Variants in RAB7A observed in about 807,000 individuals in gnomAD.
The protein encoded by RAB7A is RAB7A, member RAS oncogene family, also known as ras-related protein Rab-7a.
A neutral mutation model predicts 24.5 loss-of-function variants in RAB7A; 2 were observed. The ratio of observed to expected loss-of-function variants is 0.08; its 90% CI spans 0.03 to 0.26. The LOEUF is 0.26. RAB7A is among the 10% of genes least tolerant of loss of function. The probability of loss-of-function intolerance (pLI) is 1.00; values close to 1 mark genes in which losing one functional copy is unlikely to be tolerated. For synonymous variants in RAB7A, 100 were observed against 95.9 expected (o/e 1.04, Z -0.25); for missense variants, 118 against 255.7 (o/e 0.46, Z 3.67).
intron 1 of RAB7A, among the ~76,000 whole-genome samples, chr3:128,776,205 C>T (rs1464497536): frequency 6.6e-6 from 1 of 152,164 alleles, no homozygotes; most frequent in Non-Finnish European, 1.5e-5. Flanking sequence ...CTCGTTGTGG[C>T]AAATGACATA....
At chr3:128,781,262 C>T (rs1302886284) in intron 1 of RAB7A, among the ~76,000 whole-genome samples, 1 of 152,214 alleles carries the variant, frequency 6.6e-6, no homozygotes, top group African/African-American at 2.4e-5. Flanking sequence ...GAAAAGCCCT[C>T]ATAACAAAGC....
At chr3:128,743,672 G>C (rs1247465822) in intron 1 of RAB7A, among the ~76,000 whole-genome samples, 1 of 152,222 alleles carries the variant, frequency 6.6e-6, no homozygotes, top group Non-Finnish European at 1.5e-5. Flanking sequence ...CAAGAAAGAG[G>C]CTGGGTGCAG....
chr3:128,762,975 A>G (rs1483324552), intron 1 of RAB7A, among the ~76,000 whole-genome samples: 2 of 152,008 alleles, frequency 1.3e-5, no homozygotes, highest in Non-Finnish European at 2.9e-5. Flanking sequence ...CTTCACCTGT[A>G]AATGCTCTCA....
At chr3:128,743,463 A>G (rs2070576699) in intron 1 of RAB7A, among the ~76,000 whole-genome samples, 1 of 152,236 alleles carries the variant, frequency 6.6e-6, no homozygotes, top group Non-Finnish European at 1.5e-5. Context: ...GGCCACCAGC[A>G]TGTTGTCACC....
chr3:128,737,796 A>G (rs1055500654), intron 1 of RAB7A, among the ~76,000 whole-genome samples: 13 of 135,712 alleles, frequency 9.6e-5, no homozygotes, highest in Non-Finnish European at 1.7e-4. Flanking sequence ...CTACAGGCAC[A>G]TGCCACCACA....
At chr3:128,731,057 C>G (rs1458782872) in intron 1 of RAB7A, among the ~76,000 whole-genome samples, 1 of 152,218 alleles carries the variant, frequency 6.6e-6, no homozygotes, top group African/African-American at 2.4e-5. Context: ...TCTCCCTCAG[C>G]CTTTCCTTTC....
At chr3:128,795,751 C>CTGTTTTTTTTTTTTTTTTTTTTTTT (rs1933554904) in intron 2 of RAB7A, among the ~76,000 whole-genome samples, 3 of 43,032 alleles carry the variant, frequency 7.0e-5, no homozygotes, top group Non-Finnish European at 1.4e-4. Context: ...AGCAGATGTG[C>CTGTTTTTTTTTTTTTTTTTTTTTTT]TTTTTTTTTT....
chr3:128,755,778 T>A (rs57747247), intron 1 of RAB7A, among the ~76,000 whole-genome samples: 390 of 152,342 alleles, frequency 2.6e-3, no homozygotes, highest in African/African-American at 7.1e-3. Flanking sequence ...TGATTTTTTT[T>A]AAATTATACT....
At chr3:128,790,233 T>G (rs1200615134) in intron 1 of RAB7A, among the ~76,000 whole-genome samples, 4 of 152,232 alleles carry the variant, frequency 2.6e-5, no homozygotes, top group Non-Finnish European at 5.9e-5. Context: ...TATCAGCTGT[T>G]TAGTACCATT....
At chr3:128,737,390 G>T (rs1408088294) in intron 1 of RAB7A, among the ~76,000 whole-genome samples, 1 of 147,624 alleles carries the variant, frequency 6.8e-6, no homozygotes, top group Non-Finnish European at 1.5e-5. Context: ...ACCCAGGCTG[G>T]AGTACAGTGA....
At chr3:128,772,552 T>A (rs1425963315) in intron 1 of RAB7A, among the ~76,000 whole-genome samples, 3 of 152,222 alleles carry the variant, frequency 2.0e-5, no homozygotes, top group Admixed American at 6.5e-5. Context: ...TTGGGTGATA[T>A]GACACTTATT....
At chr3:128,766,077 A>C (rs2070828607) in intron 1 of RAB7A, among the ~76,000 whole-genome samples, 1 of 152,182 alleles carries the variant, frequency 6.6e-6, no homozygotes, top group Non-Finnish European at 1.5e-5. Context: ...CCACGTCTTA[A>C]TACTGTCACT....
chr3:128,806,253 T>A, intron 3 of RAB7A, 119 bp from the exon 4 acceptor site: 2 of 807,866 alleles, frequency 2.5e-6, no homozygotes, highest in Non-Finnish European at 3.9e-6. Flanking sequence ...AAGTCTGGTG[T>A]CATTTGTCTT....
chr3:128,811,196 C>T (rs1933918553), intron 5 of RAB7A, among the ~76,000 whole-genome samples: 1 of 151,870 alleles, frequency 6.6e-6, no homozygotes, highest in Non-Finnish European at 1.5e-5. Flanking sequence ...GTGCAATCAT[C>T]ACTCGCTATA....
rs182725743 is a variant in RAB7A, at chr3:128,800,706, G to A, written c.180+2637G>A. Among the ~76,000 whole-genome samples, 5 of 152,362 alleles carry A rather than the reference G, an allele frequency of 3.3e-5. No individual in the cohort carries two copies. The East Asian group carries it at 9.6e-4, about 29-fold the overall frequency. ...CAGAGCCCAGCAGGCAGTGGGGTAT[G>A]TTGGGAAAGAGACGGGCAGCACAGT... On this transcript the variant is annotated intron_variant, in intron 3 of 5. Transcript: ENST00000265062.
chr3:128,749,827 T>C (rs1279658724), intron 1 of RAB7A, among the ~76,000 whole-genome samples: 1 of 152,210 alleles, frequency 6.6e-6, no homozygotes, highest in Non-Finnish European at 1.5e-5. Flanking sequence ...GTTAAACCTC[T>C]TGGTTTTGTA....
At chr3:128,744,560 C>T (rs910008941) in intron 1 of RAB7A, among the ~76,000 whole-genome samples, 19 of 152,340 alleles carry the variant, frequency 1.2e-4, no homozygotes, top group African/African-American at 4.6e-4. Context: ...CAGTTGGGAA[C>T]CTCAGCAGCA....
chr3:128,769,359 T>G (rs1169879615), intron 1 of RAB7A, among the ~76,000 whole-genome samples: 4 of 152,208 alleles, frequency 2.6e-5, no homozygotes, highest in Non-Finnish European at 5.9e-5. Context: ...TGTGATGGTG[T>G]CTCATTATGT....
chr3:128,798,893 C>A, intron 3 of RAB7A: 3 of 302,964 alleles, frequency 9.9e-6, no homozygotes, highest in South Asian at 6.4e-5. Context: ...TCTTCATGGT[C>A]CATGATGCCA....
Sources: allele counts gnomAD v4.1 joint callset (sites outside exome capture counted in the v4.1 genomes callset), GRCh38; gene constraint gnomAD v4.1.1; transcripts MANE v1.5; gene names NCBI Gene and HGNC (gene_info 2026-07-23, HGNC 2026-07-21).